Variants in BTBD9 observed in about 807,000 individuals in gnomAD.
BTBD9 encodes BTB domain containing 9.
A neutral mutation model predicts 64.3 loss-of-function variants in BTBD9; 49 were observed. The ratio of observed to expected loss-of-function variants is 0.76; its 90% CI spans 0.61 to 0.97. The LOEUF (loss-of-function observed/expected upper bound fraction) is 0.97, where lower values mean the gene tolerates loss of function less well. Ranked by LOEUF, BTBD9 falls within the 50% of genes least tolerant of loss-of-function variation. The pLI is 0.00. For synonymous variants in BTBD9, 260 were observed against 274.7 expected (o/e 0.95, Z 0.53); for missense variants, 598 against 762.1 (o/e 0.78, Z 2.53).
At chr6:38,179,751 A>G (rs1349227131) in intron 10 of BTBD9, 2 of 456,568 alleles carry the variant, frequency 4.4e-6, no homozygotes, top group African/African-American at 4.0e-5. Flanking sequence ...TCACACAAAC[A>G]ATTCTACCAG....
In BTBD9 at chr6:38,171,821, T is replaced by C. The variant is rs1581986150; in HGVS notation, c.*3164A>G. On this transcript the variant is annotated 3_prime_UTR_variant, in exon 11 of 11. Transcript: ENST00000481247. ...TTTGAAGGCTTTTTTCCCCAAAAGC[T>C]CCAATGAAGTTGCCTTTCTACTCTC... 1 of 118,632 alleles carries C rather than the reference T, an allele frequency of 8.4e-6. No individual in the cohort carries two copies. The highest frequency in any genetic ancestry group is 1.1e-4 in the Admixed American group (1 of 9,496). The allele number at this position is 118,632 out of a possible 1,614,324, so 7.3% of individuals were successfully genotyped here. A position where few individuals can be genotyped will look rare whatever the true frequency, so the allele number is the denominator to read the frequency against.
chr6:38,350,202 G>A (rs1419543344), intron 6 of BTBD9, among the ~76,000 whole-genome samples: 6 of 152,166 alleles, frequency 3.9e-5, no homozygotes, highest in Admixed American at 3.9e-4. Flanking sequence ...ATGACCTAAA[G>A]AAATTTTGCT....
In BTBD9 at chr6:38,510,084, G is replaced by A. The variant is rs920343738; in HGVS notation, c.1154+67516C>T. On this transcript the variant is annotated intron_variant, in intron 6 of 10. Transcript: ENST00000481247. ...CAGTCTAGCCACATTCCCTAAACAC[G>A]CCATGTTCTTTCATGATGCCATCAG... Among the ~76,000 whole-genome samples, 3 of 152,100 alleles carry A rather than the reference G, an allele frequency of 2.0e-5. No individual in the cohort carries two copies. The East Asian group carries it at 5.8e-4, about 29-fold the overall frequency.
intron 1 of BTBD9, among the ~76,000 whole-genome samples, chr6:38,619,992 C>T (rs543395172): frequency 5.6e-4 from 85 of 152,214 alleles, no homozygotes; most frequent in African/African-American, 1.8e-3. Context: ...CCCTGAAATC[C>T]GGGCATTGGA....
chr6:38,465,461 CAA>C (rs762391834), intron 6 of BTBD9, among the ~76,000 whole-genome samples: 17 of 67,480 alleles, frequency 2.5e-4, no homozygotes, highest in Admixed American at 5.7e-4. Context: ...ACTAAAAATA[CAA>C]AAAAAAAAAA....
At chr6:38,220,485 A>G (rs1402082121) in intron 9 of BTBD9, among the ~76,000 whole-genome samples, 2 of 152,258 alleles carry the variant, frequency 1.3e-5, no homozygotes, top group Non-Finnish European at 2.9e-5. Flanking sequence ...TTGAAAATAT[A>G]CATTTGTACT....
chr6:38,350,236 G>A (rs557348148), intron 6 of BTBD9, among the ~76,000 whole-genome samples: 17 of 152,312 alleles, frequency 1.1e-4, no homozygotes, highest in African/African-American at 3.6e-4. Flanking sequence ...AGCATTCTCT[G>A]CCTGTTCTGG....
intron 6 of BTBD9, among the ~76,000 whole-genome samples, chr6:38,475,284 T>C (rs1236558754): frequency 1.3e-5 from 2 of 152,200 alleles, no homozygotes; most frequent in South Asian, 2.1e-4. Context: ...TTTTCTTCAA[T>C]AGTAATACTT....
At chr6:38,279,443 T>C (rs978403217) in intron 8 of BTBD9, among the ~76,000 whole-genome samples, 2 of 136,298 alleles carry the variant, frequency 1.5e-5, no homozygotes, top group South Asian at 2.2e-4. Context: ...AATTCAAGAA[T>C]TAGCCTTAAA....
chr6:38,242,108 G>A (rs1764010061), intron 9 of BTBD9, among the ~76,000 whole-genome samples: 2 of 152,150 alleles, frequency 1.3e-5, no homozygotes, highest in East Asian at 1.9e-4. Flanking sequence ...GGATTTCTTT[G>A]TATCCATAGT....
intron 6 of BTBD9, among the ~76,000 whole-genome samples, chr6:38,444,427 T>A (rs1297971955): frequency 1.3e-5 from 2 of 152,208 alleles, no homozygotes; most frequent in Non-Finnish European, 2.9e-5. Context: ...ATTCTCTTCC[T>A]CTAGAGAACT....
chr6:38,318,548 A>G (rs886243006), intron 7 of BTBD9, among the ~76,000 whole-genome samples: 1 of 152,184 alleles, frequency 6.6e-6, no homozygotes, highest in Non-Finnish European at 1.5e-5. Context: ...GTGGTTGTGG[A>G]TAAGATCCAG....
intron 7 of BTBD9, among the ~76,000 whole-genome samples, chr6:38,331,438 A>G (rs1254919243): frequency 6.6e-6 from 1 of 152,216 alleles, no homozygotes; most frequent in Non-Finnish European, 1.5e-5. Flanking sequence ...AGATCACGCC[A>G]CTGCACTCCA....
intron 9 of BTBD9, among the ~76,000 whole-genome samples, chr6:38,215,156 TAATCTC>T (rs1435811481): frequency 6.6e-6 from 1 of 152,218 alleles, no homozygotes; most frequent in Non-Finnish European, 1.5e-5. Flanking sequence ...GATCAGCTAT[TAATCTC>T]AGAAAGCCAG....
At chr6:38,483,073 CA>C (rs1333143576) in intron 6 of BTBD9, among the ~76,000 whole-genome samples, 1 of 152,030 alleles carries the variant, frequency 6.6e-6, no homozygotes, top group African/African-American at 2.4e-5. Flanking sequence ...GGTATCATTC[CA>C]GTCCACACAC....
In BTBD9 at chr6:38,597,901, C is replaced by T; in HGVS notation, c.185+9G>A. On this transcript the variant is annotated intron_variant, in intron 2 of 10. Coordinates refer to ENST00000481247, the MANE Select transcript of BTBD9 (RefSeq NM_001099272.2). ...AACTAAATTTTCAAAAAAAGTATTA[C>T]ACACTTACCGAAAATATTGGCACCT... 6.2e-7 allele frequency: 1 copy of T among 1,612,822 alleles called. No homozygotes were observed. Among genetic ancestry groups the T allele is most frequent in the South Asian group, 1.1e-5 (1 of 90,858 alleles).
At chr6:38,609,346 GATGAC>G (rs1777535001) in intron 1 of BTBD9, among the ~76,000 whole-genome samples, 2 of 152,104 alleles carry the variant, frequency 1.3e-5, no homozygotes, top group African/African-American at 2.4e-5. Flanking sequence ...CTCCAGCCTG[GATGAC>G]AGGGCAAGAC....
At chr6:38,363,448 G>A (rs537242860) in intron 6 of BTBD9, among the ~76,000 whole-genome samples, 2 of 152,306 alleles carry the variant, frequency 1.3e-5, no homozygotes, top group East Asian at 3.9e-4. Flanking sequence ...GCATGGTGGT[G>A]CACACCTGTA....
At chr6:38,424,577 C>T (rs1768059422) in intron 6 of BTBD9, among the ~76,000 whole-genome samples, 1 of 151,936 alleles carries the variant, frequency 6.6e-6, no homozygotes, top group African/African-American at 2.4e-5. Context: ...AGTGCAGTGG[C>T]ATGATCTCGA....
Sources: gnomAD v4.1 joint callset for allele counts (sites outside exome capture counted in the v4.1 genomes callset) on GRCh38, gnomAD v4.1.1 for gene constraint, MANE v1.5 for transcripts, NCBI Gene and HGNC (gene_info 2026-07-23, HGNC 2026-07-21) for gene names.